Variants in PIP5K1B observed in about 807,000 individuals in gnomAD.
PIP5K1B encodes phosphatidylinositol-4-phosphate 5-kinase type 1 beta.
PIP5K1B carries 42 observed loss-of-function variants against 67.0 expected under a neutral mutation model. The ratio of observed to expected loss-of-function variants is 0.63; its 90% CI spans 0.49 to 0.81. The LOEUF is 0.81. Among genes scored for constraint, PIP5K1B ranks in the 30% least tolerant of loss-of-function variants. The pLI is 0.00. For synonymous variants in PIP5K1B, 214 were observed against 231.4 expected, an observed-to-expected ratio of 0.92 and a Z score of 0.68; for missense variants, 459 against 646.3, an observed-to-expected ratio of 0.71 and a Z score of 3.14.
At chr9:68,729,521 A>G (rs1291426660) in intron 1 of PIP5K1B, among the ~76,000 whole-genome samples, 1 of 152,186 alleles carries the variant, frequency 6.6e-6, no homozygotes, top group African/African-American at 2.4e-5. Flanking sequence ...AAGATTATCT[A>G]AAAGGCAGTG....
At chr9:68,855,129 T>C (rs1421422147) in intron 4 of PIP5K1B, among the ~76,000 whole-genome samples, 1 of 152,198 alleles carries the variant, frequency 6.6e-6, no homozygotes, top group Non-Finnish European at 1.5e-5. Flanking sequence ...AGTTGTAGTA[T>C]TTATATTATC....
chr9:68,936,369 T>C (rs533366518), intron 13 of PIP5K1B, among the ~76,000 whole-genome samples: 2 of 76,404 alleles, frequency 2.6e-5, no homozygotes, highest in African/African-American at 6.2e-5. Context: ...CCTACTTTGC[T>C]AAAAGTTTTT....
At chr9:68,861,313 T>G (rs907893624) in intron 4 of PIP5K1B, among the ~76,000 whole-genome samples, 3 of 152,144 alleles carry the variant, frequency 2.0e-5, no homozygotes, top group African/African-American at 7.2e-5. Flanking sequence ...AGAGCATATA[T>G]TTGGTCCTCA....
chr9:68,801,506 G>A (rs1832603204), intron 2 of PIP5K1B, among the ~76,000 whole-genome samples: 1 of 152,122 alleles, frequency 6.6e-6, no homozygotes, highest in African/African-American at 2.4e-5. Flanking sequence ...AGGTGGGAGA[G>A]ATTTGAAATA....
chr9:68,872,306 G>A (rs775972998), intron 5 of PIP5K1B, among the ~76,000 whole-genome samples: 3 of 152,174 alleles, frequency 2.0e-5, no homozygotes, highest in African/African-American at 7.2e-5. Flanking sequence ...CTCTGCACTC[G>A]TGCTCCCCTG....
intron 4 of PIP5K1B, among the ~76,000 whole-genome samples, chr9:68,839,764 C>A (rs113632240): frequency 6.6e-6 from 1 of 152,166 alleles, no homozygotes; most frequent in Admixed American, 6.5e-5. Flanking sequence ...GAGATGGAGA[C>A]GTCTTGCAGA....
chr9:68,822,082 T>A (rs1309108667), intron 3 of PIP5K1B, among the ~76,000 whole-genome samples: 1 of 152,228 alleles, frequency 6.6e-6, no homozygotes, highest in African/African-American at 2.4e-5. Flanking sequence ...TTGAGTAATT[T>A]TTTTGTTCTG....
At position 68,872,806 on chromosome 9, in the gene PIP5K1B, A is replaced by G. The variant is rs373348876; in HGVS notation, c.201-3871A>G. On this transcript the variant is annotated intron_variant, in intron 5 of 15. Transcript: ENST00000265382. ...TTTATCTTAGAGATCTTGCCATGTC[A>G]GTACATAATAAGCACCCTTATTCTT... Among the ~76,000 whole-genome samples, 40 of 152,348 alleles carry G rather than the reference A, an allele frequency of 2.6e-4. No individual in the cohort carries two copies. In the South Asian group the frequency reaches 7.2e-3, roughly 28 times the overall value.
intron 14 of PIP5K1B, among the ~76,000 whole-genome samples, chr9:68,972,986 A>T (rs1056460067): frequency 2.6e-5 from 4 of 152,214 alleles, no homozygotes; most frequent in Non-Finnish European, 5.9e-5. Context: ...AGACACTTGC[A>T]CATGTTATTA....
At chr9:68,923,230 C>T in intron 11 of PIP5K1B, 72 bp from the exon 12 acceptor site, 1 of 855,706 alleles carries the variant, frequency 1.2e-6, no homozygotes, top group Non-Finnish European at 1.9e-6. Context: ...GAACCAATTG[C>T]ATAGATCTCT....
intron 4 of PIP5K1B, among the ~76,000 whole-genome samples, chr9:68,843,811 A>G (rs1822045343): frequency 6.6e-6 from 1 of 152,170 alleles, no homozygotes; most frequent in African/African-American, 2.4e-5. Context: ...CCTGTTTCCA[A>G]GCAACCCTTC....
chr9:68,983,277 G>T (rs976696621), intron 14 of PIP5K1B, among the ~76,000 whole-genome samples: 3 of 152,138 alleles, frequency 2.0e-5, no homozygotes, highest in African/African-American at 7.2e-5. Flanking sequence ...GTTAGAATGT[G>T]ATCTTTAGAG....
At chr9:69,002,255 G>A (rs186164839) in intron 15 of PIP5K1B, among the ~76,000 whole-genome samples, 1 of 152,232 alleles carries the variant, frequency 6.6e-6, no homozygotes. Flanking sequence ...AGGCTTCTCG[G>A]TTGAAGCCTT....
intron 14 of PIP5K1B, among the ~76,000 whole-genome samples, chr9:68,955,614 T>C (rs1828347327): frequency 6.6e-6 from 1 of 152,248 alleles, no homozygotes; most frequent in Non-Finnish European, 1.5e-5. Context: ...AGCTCTCAGA[T>C]GTAACCAGAG....
intron 4 of PIP5K1B, among the ~76,000 whole-genome samples, chr9:68,828,319 C>T (rs1033457473): frequency 1.3e-5 from 2 of 152,210 alleles, no homozygotes; most frequent in African/African-American, 2.4e-5. Context: ...CCTGTGGCAC[C>T]GAGGCCTCGC....
At chr9:68,930,387 A>G (rs1826934096) in intron 12 of PIP5K1B, among the ~76,000 whole-genome samples, 1 of 152,040 alleles carries the variant, frequency 6.6e-6, no homozygotes, top group African/African-American at 2.4e-5. Context: ...ACCTGGGTCC[A>G]CGTCTTATGG....
At chr9:68,742,172 T>C (rs1829042036) in intron 1 of PIP5K1B, 1 of 152,172 alleles carries the variant, frequency 6.6e-6, no homozygotes, top group Non-Finnish European at 1.5e-5. Context: ...GTGGGAAGTT[T>C]TACTACATCA....
At chr9:68,827,424 G>T (rs1170109276) in intron 4 of PIP5K1B, among the ~76,000 whole-genome samples, 2 of 152,218 alleles carry the variant, frequency 1.3e-5, no homozygotes, top group Admixed American at 1.3e-4. Flanking sequence ...GTGTGTCTGA[G>T]AACTGTAATT....
intron 14 of PIP5K1B, among the ~76,000 whole-genome samples, chr9:68,973,137 A>T (rs1829472913): frequency 6.6e-6 from 1 of 152,240 alleles, no homozygotes; most frequent in South Asian, 2.1e-4. Context: ...CCACAAGGCA[A>T]GAACTAAAGC....
Sources: allele counts gnomAD v4.1 joint callset (sites outside exome capture counted in the v4.1 genomes callset), GRCh38; gene constraint gnomAD v4.1.1; transcripts MANE v1.5; gene names NCBI Gene and HGNC (gene_info 2026-07-23, HGNC 2026-07-21).